The following TIGIT variants were observed in gnomAD, a reference collection of about 807,000 sequenced individuals.
The protein encoded by TIGIT is T cell immunoreceptor with Ig and ITIM domains, also known as T-cell immunoreceptor with Ig and ITIM domains.
Under a neutral mutation model 19.6 loss-of-function variants are expected in TIGIT, and 11 were observed. The ratio of observed to expected loss-of-function variants is 0.56; its 90% CI spans 0.35 to 0.93. The LOEUF (loss-of-function observed/expected upper bound fraction) is 0.93, where lower values mean the gene tolerates loss of function less well. TIGIT is among the 40% of genes least tolerant of loss of function. TIGIT has a pLI of 0.01. For missense variants in TIGIT, 295 were observed against 303.9 expected (o/e 0.97, Z 0.22); for synonymous variants, 130 against 125.5 (o/e 1.04, Z -0.24).
At chr3:114,301,168 C>A (rs907377058) in intron 3 of TIGIT, among the ~76,000 whole-genome samples, 11 of 152,132 alleles carry the variant, frequency 7.2e-5, no homozygotes, top group Non-Finnish European at 1.6e-4. Flanking sequence ...CAGCCCAGGT[C>A]ACCTTAATTC....
At position 114,302,448 on chromosome 3, in the gene TIGIT, T is replaced by C. The variant is rs556451813; in HGVS notation, c.498+2745T>C. Reference sequence around the variant, plus strand: ...TTGTAGTCTTGACCTCTTTTGATTATGTATGTAAGCAATACCCTTCTTGGC... The same window carrying C: ...TTGTAGTCTTGACCTCTTTTGATTACGTATGTAAGCAATACCCTTCTTGGC... On this transcript the variant is annotated intron_variant, in intron 3 of 3. Coordinates refer to ENST00000383671, the MANE Select transcript of TIGIT (RefSeq NM_173799.4). Among the ~76,000 whole-genome samples, 14 of 152,338 alleles carry C rather than the reference T, an allele frequency of 9.2e-5. 1 individual carries two copies. The South Asian group carries it at 2.7e-3, about 29-fold the overall frequency.
rs1168396471 is a variant in TIGIT at position 114,308,731 on chromosome 3, G to A, written c.*600G>A. The A allele has an allele frequency of 6.5e-6, 1 of 152,672 alleles. No homozygotes were observed. 9.5% of individuals were successfully genotyped at this position (152,672 alleles called of 1,614,324 possible). A position where few individuals can be genotyped will look rare whatever the true frequency, so the allele number is the denominator to read the frequency against. ...GGAGACATACACAGGCCTTCAGGAA[G>A]AGACGACAGTTTGGGGTGAGGTAGT... is the stretch of plus-strand genomic sequence containing the variant. On this transcript the variant is annotated 3_prime_UTR_variant, in exon 4 of 4. Transcript: ENST00000383671.
rs201739271 is a variant in TIGIT, at chr3:114,294,097, G to T, written c.36G>T (p.Gly12=). The change falls in exon 1 of 4, where the codon GGG becomes GGT. Residue 12 remains glycine, a synonymous_variant. Transcript: ENST00000383671. ...RWCLLLIWAQ[G]LRQAPLASGM... ...GTCTCCTCCTGATCTGGGCCCAGGG[G>T]CTGAGGCAGGCTCCCCTCGCCTCAG... is the stretch of plus-strand genomic sequence containing the variant. The T allele has an allele frequency of 3.2e-6, 5 of 1,554,978 alleles. No homozygotes were observed. Among genetic ancestry groups the T allele is most frequent in the Non-Finnish European group, 3.5e-6 (4 of 1,148,286 alleles).
At chr3:114,299,344 C>A (rs572212604) in intron 2 of TIGIT, among the ~76,000 whole-genome samples, 3 of 152,032 alleles carry the variant, frequency 2.0e-5, no homozygotes, top group Non-Finnish European at 4.4e-5. Context: ...ATAGAAGAAA[C>A]GAATGTTAAA....
intron 3 of TIGIT, among the ~76,000 whole-genome samples, chr3:114,303,582 T>TACAC (rs1560033621): frequency 5.2e-4 from 10 of 19,298 alleles, no homozygotes; most frequent in African/African-American, 1.5e-3. Flanking sequence ...TGTATATATA[T>TACAC]ATATACATAT....
At chr3:114,302,978 C>T (rs920929741) in intron 3 of TIGIT, among the ~76,000 whole-genome samples, 3 of 152,088 alleles carry the variant, frequency 2.0e-5, no homozygotes, top group African/African-American at 7.2e-5. Flanking sequence ...TCAACTCTGC[C>T]ATTGTAGTGT....
chr3:114,296,527 T>C (rs1421451222), intron 2 of TIGIT, among the ~76,000 whole-genome samples: 1 of 152,246 alleles, frequency 6.6e-6, no homozygotes, highest in Admixed American at 6.5e-5. Flanking sequence ...CTTCTCTGTG[T>C]ATCAGTTTTC....
chr3:114,305,909 A>G (rs987097769), intron 3 of TIGIT, among the ~76,000 whole-genome samples: 16 of 131,420 alleles, frequency 1.2e-4, no homozygotes, highest in African/African-American at 4.0e-4. Context: ...TAGATAGATG[A>G]GGAGGGATTT....
chr3:114,299,805 C>A, intron 3 of TIGIT, 102 bp downstream of exon 3: 1 of 716,500 alleles, frequency 1.4e-6, no homozygotes, highest in South Asian at 1.6e-5. Context: ...CAGATGTGAT[C>A]TTCCCGAGTG....
chr3:114,306,616 GA>G (rs1316859395), intron 3 of TIGIT, among the ~76,000 whole-genome samples: 1 of 152,148 alleles, frequency 6.6e-6, no homozygotes, highest in Non-Finnish European at 1.5e-5. Flanking sequence ...AAGGTCATGA[GA>G]AAACTTCAGT....
At chr3:114,304,848 A>G (rs926884683) in intron 3 of TIGIT, among the ~76,000 whole-genome samples, 1 of 152,168 alleles carries the variant, frequency 6.6e-6, no homozygotes, top group Admixed American at 6.5e-5. Context: ...CTTTCCAGAG[A>G]TCCTCATTCC....
intron 2 of TIGIT, 124 bp downstream of exon 2, chr3:114,295,998 T>TA: frequency 2.6e-6 from 2 of 768,584 alleles, no homozygotes; most frequent in Non-Finnish European, 4.1e-6. Flanking sequence ...GAGGAGATTT[T>TA]AAATCATACT....
chr3:114,303,630 T>TATACACATATATATGTATATATATAC (rs1281900522), intron 3 of TIGIT, among the ~76,000 whole-genome samples: 1 of 115,896 alleles, frequency 8.6e-6, no homozygotes, highest in African/African-American at 3.2e-5. Flanking sequence ...TGTATATATA[T>TATACACATATATATGTATATATATAC]ACACACACAC....
chr3:114,304,087 C>T (rs2078515041), intron 3 of TIGIT, among the ~76,000 whole-genome samples: 2 of 151,684 alleles, frequency 1.3e-5, no homozygotes, highest in South Asian at 4.2e-4. Flanking sequence ...GTCCTTAGCC[C>T]ACTTTTTGAT....
At position 114,308,885 on chromosome 3, in the gene TIGIT, A is replaced by G. The variant is rs2078553516; in HGVS notation, c.*754A>G. 6.6e-6 allele frequency: 1 copy of G among 152,256 alleles called. No individual in the cohort carries two copies. Among genetic ancestry groups the G allele is most frequent in the Non-Finnish European group, 1.5e-5 (1 of 68,074 alleles). 9.4% of individuals were successfully genotyped at this position (152,256 alleles called of 1,614,324 possible). A position where few individuals can be genotyped will look rare whatever the true frequency, so the allele number is the denominator to read the frequency against. On this transcript the variant is annotated 3_prime_UTR_variant, in exon 4 of 4. Coordinates refer to ENST00000383671, the MANE Select transcript of TIGIT (RefSeq NM_173799.4). Reference sequence around the variant, plus strand: ...CTTGGAGCTGAAAGTCCCACAAAGAAGGCCCTGGCACCAAGGGAGTCAGCA... The same window carrying G: ...CTTGGAGCTGAAAGTCCCACAAAGAGGGCCCTGGCACCAAGGGAGTCAGCA...
In TIGIT at chr3:114,309,839, A is replaced by C. The variant is rs2078560485; in HGVS notation, c.*1708A>C. On this transcript the variant is annotated 3_prime_UTR_variant, in exon 4 of 4. Coordinates refer to ENST00000383671, the MANE Select transcript of TIGIT (RefSeq NM_173799.4). ...GAGGTGTATATTCGGCAGAGGTTGG[A>C]CTGAGAGTTGGGTGTTATTTAACAT... The C allele has an allele frequency of 6.6e-6, 1 of 152,180 alleles. No homozygotes were observed. 9.4% of individuals were successfully genotyped at this position (152,180 alleles called of 1,614,324 possible). A position where few individuals can be genotyped will look rare whatever the true frequency, so the allele number is the denominator to read the frequency against.
At position 114,294,057 on chromosome 3, in the gene TIGIT, G is replaced by GAA; in HGVS notation, c.-4_-3dup. ...CTGCTTCCTGTAGGCCCTCTGGGCA[G>GAA]AAGCATGCGCTGGTGTCTCCTCCTG... is the stretch of plus-strand genomic sequence containing the variant. On this transcript the variant is annotated 5_prime_UTR_variant, in exon 1 of 4. Transcript: ENST00000383671. 2 of 1,552,204 alleles carry GAA rather than the reference G, an allele frequency of 1.3e-6. No homozygotes were observed. Among genetic ancestry groups the GAA allele is most frequent in the Non-Finnish European group, 1.7e-6 (2 of 1,147,110 alleles).
rs544492895 is a variant in TIGIT, at chr3:114,309,827, G to A, written c.*1696G>A. ...TTTGATTTGGAGGAGGTGTATATTCGGCAGAGGTTGGACTGAGAGTTGGGT... is the reference window on the plus strand; with the variant it reads ...TTTGATTTGGAGGAGGTGTATATTCAGCAGAGGTTGGACTGAGAGTTGGGT... On this transcript the variant is annotated 3_prime_UTR_variant, in exon 4 of 4. Transcript: ENST00000383671. 6 of 152,260 alleles carry A rather than the reference G, an allele frequency of 3.9e-5. No individual in the cohort carries two copies. Among genetic ancestry groups the A allele is most frequent in the Middle Eastern group, 3.4e-3 (1 of 294 alleles). 9.4% of individuals were successfully genotyped at this position (152,260 alleles called of 1,614,324 possible).
intron 3 of TIGIT, among the ~76,000 whole-genome samples, chr3:114,302,788 C>T (rs2078500668): frequency 6.6e-6 from 1 of 152,088 alleles, no homozygotes; most frequent in Non-Finnish European, 1.5e-5. Context: ...TTTCCTTTTT[C>T]CCCTTTATTG....
Sources: gnomAD v4.1 joint callset for allele counts (sites outside exome capture counted in the v4.1 genomes callset) on GRCh38, gnomAD v4.1.1 for gene constraint, MANE v1.5 for transcripts, NCBI Gene and HGNC (gene_info 2026-07-23, HGNC 2026-07-21) for gene names.